Variants in KLRD1 observed in about 807,000 individuals in gnomAD.
The protein encoded by KLRD1 is killer cell lectin like receptor D1, also known as natural killer cells antigen CD94.
A neutral mutation model predicts 22.6 loss-of-function variants in KLRD1; 21 were observed. The ratio of observed to expected loss-of-function variants is 0.93; its 90% CI spans 0.66 to 1.34. The LOEUF is 1.34. KLRD1 is among the 40% of genes most tolerant of loss of function. The pLI is 0.00. For synonymous variants in KLRD1, 59 were observed against 71.1 expected (o/e 0.83, Z 0.85); for missense variants, 183 against 208.6 (o/e 0.88, Z 0.76).
chr12:10,276,045 C>CT (rs915706649), intron 1 of KLRD1, among the ~76,000 whole-genome samples: 2 of 152,054 alleles, frequency 1.3e-5, no homozygotes, highest in Non-Finnish European at 2.9e-5. Flanking sequence ...TGAAACTATA[C>CT]TTTTTTTGCA....
chr12:10,307,646 A>G (rs1004972597), upstream of KLRD1, among the ~76,000 whole-genome samples: 1 of 152,154 alleles, frequency 6.6e-6, no homozygotes, highest in Non-Finnish European at 1.5e-5. Context: ...ATGCTAAGTA[A>G]ATTTACCTTT....
chr12:10,241,774 G>GTA (rs751287568), intron 1 of KLRD1, among the ~76,000 whole-genome samples: 18 of 152,000 alleles, frequency 1.2e-4, no homozygotes, highest in African/African-American at 2.4e-4. Context: ...ATATGTGTAT[G>GTA]TATATATATA....
intron 1 of KLRD1, among the ~76,000 whole-genome samples, chr12:10,296,348 C>T (rs1949821177): frequency 6.6e-6 from 1 of 152,038 alleles, no homozygotes; most frequent in Non-Finnish European, 1.5e-5. Flanking sequence ...AACCCCGTCT[C>T]TACTAAAAAT....
Position 10,319,760 on chromosome 12 carries a change from A to G in KLRD1, c.*4967A>G, listed in dbSNP as rs2137744495. On this transcript the variant is annotated 3_prime_UTR_variant, in exon 6 of 6. Transcript: ENST00000336164. ...CAGATGATTACAGCCCCCAGCCAAC[A>G]CCTTGACGGCAACCTCATGAGAGAC... 1 of 151,738 alleles carries G rather than the reference A, an allele frequency of 6.6e-6. No homozygotes were observed. Among genetic ancestry groups the G allele is most frequent in the Non-Finnish European group, 1.5e-5 (1 of 68,012 alleles). 9.4% of individuals were successfully genotyped at this position (151,738 alleles called of 1,614,324 possible).
chr12:10,259,132 C>T (rs1949425394), intron 1 of KLRD1, among the ~76,000 whole-genome samples: 1 of 152,184 alleles, frequency 6.6e-6, no homozygotes, highest in Admixed American at 6.5e-5. Context: ...CCCATGGCCT[C>T]CTGAATATCC....
chr12:10,303,827 A>G (rs928796477), upstream of KLRD1, among the ~76,000 whole-genome samples: 1 of 152,150 alleles, frequency 6.6e-6, no homozygotes, highest in Admixed American at 6.6e-5. Flanking sequence ...ATCCATTGGT[A>G]TGAGGGTGGC....
In KLRD1 at chr12:10,314,998, TA is replaced by T. The variant is rs1950189743; in HGVS notation, c.*207del. On this transcript the variant is annotated 3_prime_UTR_variant, in exon 6 of 6. Coordinates refer to ENST00000336164, the MANE Select transcript of KLRD1 (RefSeq NM_002262.5). ...CACCTACATTTGAGAATTATAAAAT[TA>T]ACATAAAGAATTTTGTATTTTCATT... 2.3e-5 allele frequency: 9 copies of T among 396,926 alleles called. No individual in the cohort carries two copies. The highest frequency in any genetic ancestry group is 6.9e-4 in the Middle Eastern group (1 of 1,450). 24.6% of individuals were successfully genotyped at this position (396,926 alleles called of 1,614,324 possible). A position where few individuals can be genotyped will look rare whatever the true frequency, so the allele number is the denominator to read the frequency against.
chr12:10,247,209 C>G (rs914434552), intron 1 of KLRD1, among the ~76,000 whole-genome samples: 6 of 152,056 alleles, frequency 3.9e-5, no homozygotes, highest in African/African-American at 1.4e-4. Flanking sequence ...TTCCATGATG[C>G]TGAATTCTCC....
At chr12:10,291,493 A>G (rs1244609734) in intron 1 of KLRD1, among the ~76,000 whole-genome samples, 2 of 152,140 alleles carry the variant, frequency 1.3e-5, no homozygotes, top group African/African-American at 4.8e-5. Context: ...CATTTCAACA[A>G]TGTTCACAAC....
At chr12:10,311,418 T>A (rs17206564) in intron 3 of KLRD1, 46 bp from the exon 4 acceptor site, 95,319 of 1,553,040 alleles carry the variant, frequency 0.061, 3,441 homozygotes, top group East Asian at 0.18. Flanking sequence ...TTGAAAAAAA[T>A]GTCTAGTCTC....
At chr12:10,256,087 T>A (rs77427207) in intron 1 of KLRD1, among the ~76,000 whole-genome samples, 5,890 of 152,060 alleles carry the variant, frequency 0.039, 402 homozygotes, top group African/African-American at 0.14. Flanking sequence ...TCTTTGTCTT[T>A]TATATATATA....
At chr12:10,246,346 C>G (rs1169996226) in intron 1 of KLRD1, among the ~76,000 whole-genome samples, 5 of 149,828 alleles carry the variant, frequency 3.3e-5, no homozygotes, top group Non-Finnish European at 7.4e-5. Context: ...TGAATATATA[C>G]TACATTTTTA....
In KLRD1 at chr12:10,276,386, C is replaced by T. The variant is rs115185362; in HGVS notation, c.-100-31592C>T. Among the ~76,000 whole-genome samples, 763 of 152,258 alleles carry T rather than the reference C, an allele frequency of 5.0e-3. 8 individuals carry two copies. Among genetic ancestry groups the T allele is most frequent in the African/African-American group, 0.017 (717 of 41,554 alleles). On this transcript the variant is annotated intron_variant, in intron 1 of 5. Transcript: ENST00000544747. ...TAAATTTCTCTAGGGTAGCCTTTGA[C>T]ATTTTCTGTTTATCACAGCCTTTTA... is the stretch of plus-strand genomic sequence containing the variant.
chr12:10,248,078 A>G (rs543077377), intron 1 of KLRD1, among the ~76,000 whole-genome samples: 1 of 152,254 alleles, frequency 6.6e-6, no homozygotes, highest in East Asian at 1.9e-4. Flanking sequence ...CACATGCGTG[A>G]CCTTGATTTT....
intron 1 of KLRD1, among the ~76,000 whole-genome samples, chr12:10,246,537 C>G (rs1437408374): frequency 6.6e-6 from 1 of 152,112 alleles, no homozygotes; most frequent in Non-Finnish European, 1.5e-5. Context: ...TGAGAAAACT[C>G]TTCCACATAT....
At chr12:10,289,279 C>G (rs1040041012) in intron 1 of KLRD1, among the ~76,000 whole-genome samples, 17 of 152,200 alleles carry the variant, frequency 1.1e-4, no homozygotes, top group Non-Finnish European at 2.9e-5. Flanking sequence ...TGCAGCTGAG[C>G]TCTTTGCAGC....
At chr12:10,313,060 A>G (rs891034979) in intron 4 of KLRD1, among the ~76,000 whole-genome samples, 3 of 152,038 alleles carry the variant, frequency 2.0e-5, no homozygotes, top group Non-Finnish European at 4.4e-5. Flanking sequence ...TAGGTTGAGT[A>G]GATTATACCC....
At chr12:10,264,292 G>A (rs1286480099) in intron 1 of KLRD1, among the ~76,000 whole-genome samples, 3 of 151,964 alleles carry the variant, frequency 2.0e-5, no homozygotes, top group Non-Finnish European at 4.4e-5. Context: ...CCTCCCTTTT[G>A]GTTACTAGGA....
chr12:10,242,090 T>TTTTTC (rs56268946), intron 1 of KLRD1, among the ~76,000 whole-genome samples: 2 of 150,366 alleles, frequency 1.3e-5, no homozygotes, highest in African/African-American at 2.4e-5. Flanking sequence ...TTTTTTTTTT[T>TTTTTC]CAGAGAAGAG....
Sources: allele counts gnomAD v4.1 joint callset (sites outside exome capture counted in the v4.1 genomes callset), GRCh38; gene constraint gnomAD v4.1.1; transcripts MANE v1.5; gene names NCBI Gene and HGNC (gene_info 2026-07-23, HGNC 2026-07-21).